The following C2CD2 variants were observed in gnomAD, a reference collection of about 807,000 sequenced individuals.
C2CD2 encodes C2 calcium dependent domain containing 2, also known as C2 domain-containing protein 2.
C2CD2 carries 43 observed loss-of-function variants against 74.3 expected under a neutral mutation model. That is an observed-to-expected ratio of 0.58 (90% CI 0.45 to 0.75). The LOEUF is 0.75. C2CD2 is among the 30% of genes least tolerant of loss of function. The pLI, the probability that C2CD2 is intolerant of heterozygous loss-of-function variation, is 0.00. For missense variants in C2CD2, 801 were observed against 916.3 expected, an observed-to-expected ratio of 0.87 and a Z score of 1.63; for synonymous variants, 422 against 390.7, an observed-to-expected ratio of 1.08 and a Z score of -0.94.
intron 1 of C2CD2, chr21:41,942,915 G>A (rs1440542325): frequency 2.0e-6 from 2 of 976,618 alleles, no homozygotes; most frequent in African/African-American, 3.5e-5. Flanking sequence ...CTGGCCCCAA[G>A]GTTCACCTGT....
chr21:41,927,279 C>A (rs1178165136), intron 2 of C2CD2, among the ~76,000 whole-genome samples: 1 of 152,132 alleles, frequency 6.6e-6, no homozygotes, highest in Non-Finnish European at 1.5e-5. Flanking sequence ...AATTCTCCTG[C>A]CTTAGCCTCC....
chr21:41,929,996 T>G lies in C2CD2; in HGVS notation c.379-7911A>C, dbSNP rs2065249111. Among the ~76,000 whole-genome samples, 1 of 152,198 alleles carries G rather than the reference T, an allele frequency of 6.6e-6. No individual in the cohort carries two copies. Among genetic ancestry groups the G allele is most frequent in the African/African-American group, 2.4e-5 (1 of 41,438 alleles). On this transcript the variant is annotated intron_variant, in intron 2 of 13. Coordinates refer to ENST00000380486, the MANE Select transcript of C2CD2 (RefSeq NM_015500.2). This position sits in a 1 kb window ranked among gnomAD's most constrained non-coding sequence, Gnocchi z 4.6. ...CTTTCAAAAGGGGGCTTGGCATGAA[T>G]GTCATGAAAGGGAGGAAGCGAGCAG...
intron 3 of C2CD2, among the ~76,000 whole-genome samples, chr21:41,921,367 T>C (rs947330747): frequency 3.3e-5 from 5 of 152,256 alleles, no homozygotes. Flanking sequence ...AGCTCTCTGA[T>C]GATTTGGGCA....
In C2CD2 at chr21:41,889,369, G is replaced by A. The variant is rs1220672557; in HGVS notation, c.1871-25C>T. The A allele has an allele frequency of 1.4e-5, 22 of 1,520,200 alleles. No homozygotes were observed. In the East Asian group the frequency reaches 4.7e-4, roughly 33 times the overall value. 94.2% of individuals were successfully genotyped at this position (1,520,200 alleles called of 1,614,324 possible). A position where few individuals can be genotyped will look rare whatever the true frequency, so the allele number is the denominator to read the frequency against. Reference sequence around the variant, plus strand: ...CCTGGAAGAGGGAGGCACAAGGGCTGGTCAAGTGGGCAGGGAATGAGGGGC... The same window carrying A: ...CCTGGAAGAGGGAGGCACAAGGGCTAGTCAAGTGGGCAGGGAATGAGGGGC... On this transcript the variant is annotated intron_variant, in intron 13 of 13. Transcript: ENST00000380486.
At chr21:41,906,927 G>T (rs1030887383) in intron 10 of C2CD2, 65 bp downstream of exon 10, 10 of 1,300,354 alleles carry the variant, frequency 7.7e-6, no homozygotes, top group African/African-American at 1.5e-5. Context: ...TGCAGTTGTG[G>T]GGGCAAGGTG....
chr21:41,953,230 C>G, intron 1 of C2CD2, 140 bp downstream of exon 1: 2 of 460,438 alleles, frequency 4.3e-6, no homozygotes, highest in Non-Finnish European at 7.4e-6. Flanking sequence ...TCTCTCCTAA[C>G]TCTCGAGGAT....
rs532306661 is a variant in C2CD2, at chr21:41,892,206, C to A, written c.1871-2862G>T. Among the ~76,000 whole-genome samples the A allele has an allele frequency of 2.0e-5, 3 of 152,118 alleles. No individual in the cohort carries two copies. The highest frequency in any genetic ancestry group is 2.9e-5 in the Non-Finnish European group (2 of 68,010). ...GTGAAGGGTCACAGGAAGGATGCCA[C>A]GTGAAGATGAAGGCAGAGCACAGGG... On this transcript the variant is annotated intron_variant, in intron 13 of 13. Transcript: ENST00000380486. The surrounding 1 kb of genome is among the most constrained non-coding windows in gnomAD (Gnocchi z 4.6).
At chr21:41,889,849 G>T (rs1310268874) in intron 13 of C2CD2, among the ~76,000 whole-genome samples, 4 of 152,062 alleles carry the variant, frequency 2.6e-5, no homozygotes, top group African/African-American at 9.7e-5. Flanking sequence ...TGGTCAGGCT[G>T]GTCTCGAACT....
At chr21:41,911,235 C>G (rs2065022076) in intron 7 of C2CD2, among the ~76,000 whole-genome samples, 1 of 152,050 alleles carries the variant, frequency 6.6e-6, no homozygotes, top group East Asian at 1.9e-4. Context: ...TAACAGATTT[C>G]CTTATGAGAA....
chr21:41,897,016 C>T (rs1488120799), intron 13 of C2CD2, among the ~76,000 whole-genome samples: 1 of 152,310 alleles, frequency 6.6e-6, no homozygotes, highest in African/African-American at 2.4e-5. Context: ...GCCGAGCCTC[C>T]GGCAAGTTCT....
chr21:41,941,148 A>G (rs2065351076), intron 2 of C2CD2, among the ~76,000 whole-genome samples: 1 of 152,080 alleles, frequency 6.6e-6, no homozygotes, highest in African/African-American at 2.4e-5. Context: ...AACTAAGAGG[A>G]GGTCAAAACC....
chr21:41,943,176 G>A lies in C2CD2; in HGVS notation c.280-931C>T, dbSNP rs187451420. 4.3e-3 allele frequency among the ~76,000 whole-genome samples: 654 copies of A among 152,200 alleles called. 7 individuals are homozygous for A. Among genetic ancestry groups the A allele is most frequent in the Non-Finnish European group, 7.1e-3 (486 of 68,012 alleles). On this transcript the variant is annotated intron_variant, in intron 1 of 13. Transcript: ENST00000380486. ...ATTAGCTGGGTGTGGTGGCACACGT[G>A]TAATCCCAGCTACTCAGGAAGCTGA...
rs1273545910 is a variant in C2CD2, at chr21:41,926,333, GT to G, written c.379-4249del. The G allele has an allele frequency of 8.0e-6, 3 of 374,964 alleles. No homozygotes were observed. Among genetic ancestry groups the G allele is most frequent in the Non-Finnish European group, 1.1e-5 (3 of 271,750 alleles). The allele number at this position is 374,964 out of a possible 1,614,324, so 23.2% of individuals were successfully genotyped here. A position where few individuals can be genotyped will look rare whatever the true frequency, so the allele number is the denominator to read the frequency against. ...TTCCTCTCTGTATAAGTGACAGAGT[GT>G]TTTTCGGAGTGGGGGGCTATTCACG... is the stretch of plus-strand genomic sequence containing the variant. On this transcript the variant is annotated intron_variant, in intron 2 of 13. Transcript: ENST00000380486. This position sits in a 1 kb window ranked among gnomAD's most constrained non-coding sequence, Gnocchi z 8.0.
Position 41,889,301 on chromosome 21 carries a change from C to A in C2CD2, c.1914G>T (p.Arg638=). 6.2e-7 allele frequency: 1 copy of A among 1,613,988 alleles called. No homozygotes were observed. The highest frequency in any genetic ancestry group is 2.2e-5 in the East Asian group (1 of 44,866). ...TCATGCCTGGGTCTTTCTGTTGATG[C>A]CGCCGGCGGAAGAACAGCTTTGCAC... ...RKGAKLFFRR[R]HQQKDPGMSQ... The change falls in exon 14 of 14, where the codon CGG becomes CGT. Residue 638 remains arginine, a synonymous_variant. Coordinates refer to ENST00000380486, the MANE Select transcript of C2CD2 (RefSeq NM_015500.2).
In C2CD2 at chr21:41,938,200, T is replaced by C. The variant is rs1221977241; in HGVS notation, c.378+3947A>G. Among the ~76,000 whole-genome samples the C allele has an allele frequency of 2.6e-5, 4 of 152,052 alleles. No individual in the cohort carries two copies. The East Asian group carries it at 5.8e-4, about 22-fold the overall frequency. On this transcript the variant is annotated intron_variant, in intron 2 of 13. Transcript: ENST00000380486. ...ATATATATATAAACATCATGATGCA[T>C]ACCATAAATATGTACAATTTTCATC...
At chr21:41,949,071 G>A (rs2065428934) in intron 1 of C2CD2, among the ~76,000 whole-genome samples, 1 of 151,800 alleles carries the variant, frequency 6.6e-6, no homozygotes, top group African/African-American at 2.4e-5. Flanking sequence ...CACAGGCCAC[G>A]GAACACAGGC....
At chr21:41,942,027 T>G in intron 2 of C2CD2, 120 bp downstream of exon 2, 1 of 1,314,944 alleles carries the variant, frequency 7.6e-7, no homozygotes, top group Non-Finnish European at 1.0e-6. Flanking sequence ...GCCAGATGGT[T>G]GTTTTGATTT....
intron 2 of C2CD2, among the ~76,000 whole-genome samples, chr21:41,925,598 C>T (rs2065202439): frequency 6.6e-6 from 1 of 152,196 alleles, no homozygotes; most frequent in Non-Finnish European, 1.5e-5. Flanking sequence ...CAAATAATGC[C>T]CCATTTGCCA....
chr21:41,941,339 G>C (rs532407565), intron 2 of C2CD2, among the ~76,000 whole-genome samples: 1 of 152,148 alleles, frequency 6.6e-6, no homozygotes, highest in Non-Finnish European at 1.5e-5. Flanking sequence ...CTGGGCAACA[G>C]AGCGAGATCC....
Sources: gnomAD v4.1 joint callset for allele counts (sites outside exome capture counted in the v4.1 genomes callset) on GRCh38, gnomAD v4.1.1 for gene constraint, Gnocchi (gnomAD v3.1) non-coding constraint, MANE v1.5 for transcripts, NCBI Gene and HGNC (gene_info 2026-07-23, HGNC 2026-07-21) for gene names.